The following PIP5K1B variants were observed in gnomAD, a reference collection of about 807,000 sequenced individuals.
The protein encoded by PIP5K1B is phosphatidylinositol 4-phosphate 5-kinase type-1 beta.
PIP5K1B carries 42 observed loss-of-function variants against 67.0 expected under a neutral mutation model. The ratio of observed to expected loss-of-function variants is 0.63; its 90% CI spans 0.49 to 0.81. PIP5K1B has a LOEUF of 0.81. Among genes scored for constraint, PIP5K1B ranks in the 30% least tolerant of loss-of-function variants. PIP5K1B has a pLI of 0.00. For missense variants in PIP5K1B, 459 were observed against 646.3 expected (o/e 0.71, Z 3.14); for synonymous variants, 214 against 231.4 (o/e 0.92, Z 0.68).
intron 2 of PIP5K1B, among the ~76,000 whole-genome samples, chr9:68,753,808 G>A (rs1308137804): frequency 2.0e-5 from 3 of 152,108 alleles, no homozygotes; most frequent in Admixed American, 6.5e-5. Flanking sequence ...ACAGGCGTGA[G>A]CCACCGCACA....
chr9:68,972,097 T>C (rs1829400917), intron 14 of PIP5K1B, among the ~76,000 whole-genome samples: 1 of 152,254 alleles, frequency 6.6e-6, no homozygotes, highest in African/African-American at 2.4e-5. Flanking sequence ...CTAGGTTTTC[T>C]TCTAGGGTTT....
At chr9:68,953,925 T>A (rs923064005) in intron 14 of PIP5K1B, among the ~76,000 whole-genome samples, 2 of 151,964 alleles carry the variant, frequency 1.3e-5, no homozygotes, top group Non-Finnish European at 2.9e-5. Flanking sequence ...TCCAGTTTCT[T>A]GCTTGGAGGA....
intron 14 of PIP5K1B, among the ~76,000 whole-genome samples, chr9:68,962,869 CCTT>C (rs1435397747): frequency 2.6e-5 from 4 of 152,188 alleles, no homozygotes; most frequent in Admixed American, 6.5e-5. Context: ...TAAATTGTCT[CCTT>C]CTCTAATGAA....
intron 2 of PIP5K1B, among the ~76,000 whole-genome samples, chr9:68,757,367 A>C (rs1829975230): frequency 6.6e-6 from 1 of 152,202 alleles, no homozygotes; most frequent in South Asian, 2.1e-4. Context: ...GGTTGGCATT[A>C]CTGGCCAAGG....
intron 4 of PIP5K1B, among the ~76,000 whole-genome samples, chr9:68,854,602 A>G (rs577791800): frequency 3.9e-4 from 60 of 152,374 alleles, no homozygotes; most frequent in African/African-American, 1.4e-3. Flanking sequence ...GGTTTGTTGC[A>G]TTAAGGCCTT....
intron 4 of PIP5K1B, among the ~76,000 whole-genome samples, chr9:68,844,085 G>A (rs1822058238): frequency 6.6e-6 from 1 of 152,208 alleles, no homozygotes; most frequent in African/African-American, 2.4e-5. Context: ...GATTACTTGT[G>A]TACATCTTGA....
chr9:68,820,212 T>C (rs1473311078), intron 3 of PIP5K1B, among the ~76,000 whole-genome samples: 1 of 152,238 alleles, frequency 6.6e-6, no homozygotes, highest in Non-Finnish European at 1.5e-5. Context: ...GGCCTGTATT[T>C]TACCCTGAGC....
At chr9:68,918,114 G>A (rs1480390390) in intron 9 of PIP5K1B, among the ~76,000 whole-genome samples, 13 of 140,400 alleles carry the variant, frequency 9.3e-5, no homozygotes, top group African/African-American at 3.3e-4. Context: ...TTTTGAGACA[G>A]AGTCTCACTC....
intron 14 of PIP5K1B, among the ~76,000 whole-genome samples, chr9:68,954,204 T>C (rs1202245544): frequency 6.6e-6 from 1 of 152,188 alleles, no homozygotes; most frequent in African/African-American, 2.4e-5. Context: ...TTTGCTAAAT[T>C]GATTACTACC....
Position 68,904,757 on chromosome 9 carries a change from C to CTTT in PIP5K1B, c.771+10129_771+10131dup, listed in dbSNP as rs34367926. Among the ~76,000 whole-genome samples, 69 of 147,710 alleles carry CTTT rather than the reference C, an allele frequency of 4.7e-4. 2 individuals carry two copies. The highest frequency in any genetic ancestry group is 1.4e-3 in the Admixed American group (21 of 14,844). On this transcript the variant is annotated intron_variant, in intron 8 of 15. Coordinates refer to ENST00000265382, the MANE Select transcript of PIP5K1B (RefSeq NM_003558.4). ...GAAGGATTATCAAGTCAGTAGTTTG[C>CTTT]TTTTTTTTTTTTAAACTCTCACTGC...
At chr9:68,811,050 A>G (rs976938181) in intron 2 of PIP5K1B, among the ~76,000 whole-genome samples, 1 of 151,932 alleles carries the variant, frequency 6.6e-6, no homozygotes, top group Non-Finnish European at 1.5e-5. Flanking sequence ...CCAAGTCACA[A>G]CCTCGCTCCT....
At chr9:68,887,478 G>A (rs1037135612) in intron 6 of PIP5K1B, among the ~76,000 whole-genome samples, 11 of 152,200 alleles carry the variant, frequency 7.2e-5, no homozygotes, top group African/African-American at 2.7e-4. Flanking sequence ...GGCTGGGGAG[G>A]AGGCTGGGTC....
chr9:68,717,539 A>C (rs575597408), intron 1 of PIP5K1B, among the ~76,000 whole-genome samples: 3 of 152,318 alleles, frequency 2.0e-5, no homozygotes, highest in African/African-American at 4.8e-5. Flanking sequence ...CAGCATGATC[A>C]GGTTCTGGAG....
At chr9:68,800,203 G>A (rs7031696) in intron 2 of PIP5K1B, among the ~76,000 whole-genome samples, 148,576 of 152,320 alleles carry the variant, frequency 0.98, 72,556 homozygotes, top group East Asian at 1. Flanking sequence ...GCAGGTGCCC[G>A]GTTTGGGCCA....
chr9:68,763,806 T>C (rs1235400291), intron 2 of PIP5K1B, among the ~76,000 whole-genome samples: 1 of 152,104 alleles, frequency 6.6e-6, no homozygotes, highest in African/African-American at 2.4e-5. Context: ...GGTGGTGTAT[T>C]TCCTTCCTAT....
At chr9:68,988,949 G>C (rs1830230173) in intron 14 of PIP5K1B, among the ~76,000 whole-genome samples, 1 of 151,782 alleles carries the variant, frequency 6.6e-6, no homozygotes, top group Non-Finnish European at 1.5e-5. Context: ...ACAAAAATTA[G>C]CGGGACGTGG....
intron 2 of PIP5K1B, among the ~76,000 whole-genome samples, chr9:68,816,228 A>G (rs904933676): frequency 2.0e-5 from 3 of 152,078 alleles, no homozygotes; most frequent in Admixed American, 2.0e-4. Flanking sequence ...TCCCAGGTTC[A>G]AGCAATTCTC....
intron 2 of PIP5K1B, among the ~76,000 whole-genome samples, chr9:68,743,619 C>T (rs1829127168): frequency 6.6e-6 from 1 of 152,200 alleles, no homozygotes; most frequent in Admixed American, 6.5e-5. Context: ...ATCAGAAAGA[C>T]TTGGTCAGTG....
At chr9:68,781,345 G>A in intron 2 of PIP5K1B, 1 of 239,784 alleles carries the variant, frequency 4.2e-6, no homozygotes, top group Non-Finnish European at 8.8e-6. Context: ...TTTATTTATG[G>A]GATTATTAAG....
Sources: gnomAD v4.1 joint callset for allele counts (sites outside exome capture counted in the v4.1 genomes callset) on GRCh38, gnomAD v4.1.1 for gene constraint, MANE v1.5 for transcripts, NCBI Gene and HGNC (gene_info 2026-07-23, HGNC 2026-07-21) for gene names.